Variants in SAMMSON observed in about 807,000 individuals in gnomAD.
The protein encoded by SAMMSON is survival associated mitochondrial melanoma specific oncogenic non-coding RNA, also known as long intergenic non-protein coding RNA 1212.
chr3:70,405,588 T>C (rs979994101), intron 2 of SAMMSON, among the ~76,000 whole-genome samples: 1 of 152,162 alleles, frequency 6.6e-6, no homozygotes, highest in Non-Finnish European at 1.5e-5. Flanking sequence ...AATAGGAGAT[T>C]AGACCCTGCA....
At chr3:70,281,622 C>T (rs557539225) in intron 6 of SAMMSON, among the ~76,000 whole-genome samples, 12 of 152,100 alleles carry the variant, frequency 7.9e-5, no homozygotes, top group Non-Finnish European at 1.6e-4. Context: ...GGAATCTAAA[C>T]GTCTGATATT....
intron 7 of SAMMSON, among the ~76,000 whole-genome samples, chr3:70,332,169 T>G (rs1575627352): frequency 6.6e-6 from 1 of 152,312 alleles, no homozygotes; most frequent in African/African-American, 2.4e-5. Context: ...CTTCTTTAAC[T>G]CAAACACACA....
At chr3:70,352,332 A>G (rs952905247) in intron 7 of SAMMSON, among the ~76,000 whole-genome samples, 3 of 152,098 alleles carry the variant, frequency 2.0e-5, no homozygotes, top group Non-Finnish European at 2.9e-5. Flanking sequence ...CATCAGAGAG[A>G]CCATGGAAGC....
intron 4 of SAMMSON, among the ~76,000 whole-genome samples, chr3:70,150,765 T>C (rs921217168): frequency 6.6e-6 from 1 of 152,092 alleles, no homozygotes; most frequent in Non-Finnish European, 1.5e-5. Flanking sequence ...TGCCTCATTT[T>C]GTAAAACGTG....
chr3:70,065,577 T>G (rs773122293), intron 3 of SAMMSON, among the ~76,000 whole-genome samples: 2 of 152,054 alleles, frequency 1.3e-5, no homozygotes, highest in African/African-American at 2.4e-5. Context: ...TGTGCCTCTT[T>G]CAGAAGTATC....
At chr3:70,039,627 ACACAC>A (rs1215977864) in intron 3 of SAMMSON, among the ~76,000 whole-genome samples, 46 of 150,484 alleles carry the variant, frequency 3.1e-4, no homozygotes, top group African/African-American at 1.1e-3. Context: ...ACACACACAC[ACACAC>A]ACACACACAC....
intron 4 of SAMMSON, among the ~76,000 whole-genome samples, chr3:70,242,241 T>C (rs1262886120): frequency 6.6e-6 from 1 of 152,200 alleles, no homozygotes; most frequent in Non-Finnish European, 1.5e-5. Flanking sequence ...TTCATATGCC[T>C]CCAATTAATC....
chr3:70,330,841 T>C (rs1360929994), intron 7 of SAMMSON, among the ~76,000 whole-genome samples: 1 of 152,088 alleles, frequency 6.6e-6, no homozygotes, highest in East Asian at 1.9e-4. Context: ...CAAAATAATA[T>C]AAATAGACAT....
intron 2 of SAMMSON, among the ~76,000 whole-genome samples, chr3:70,408,010 C>T (rs1701189768): frequency 6.6e-6 from 1 of 152,248 alleles, no homozygotes. Flanking sequence ...GCAGGCTCAC[C>T]ACCACATGGA....
intron 9 of SAMMSON, among the ~76,000 whole-genome samples, chr3:70,375,168 C>T (rs1056561963): frequency 6.6e-6 from 1 of 152,094 alleles, no homozygotes; most frequent in Non-Finnish European, 1.5e-5. Context: ...TATTCTACTT[C>T]TATTCTTGAC....
chr3:70,101,720 T>G, intron 4 of SAMMSON, among the ~76,000 whole-genome samples: 1 of 152,202 alleles, frequency 6.6e-6, no homozygotes. Context: ...GGTTGCATTT[T>G]GTCCCTCCAG....
chr3:70,063,853 C>A (rs1236568507), intron 3 of SAMMSON, among the ~76,000 whole-genome samples: 1 of 152,094 alleles, frequency 6.6e-6, no homozygotes, highest in Non-Finnish European at 1.5e-5. Context: ...TTGTAAAGGG[C>A]TTAGCACAGT....
chr3:70,274,391 T>C (rs1026675238), intron 6 of SAMMSON, among the ~76,000 whole-genome samples: 1 of 150,584 alleles, frequency 6.6e-6, no homozygotes, highest in African/African-American at 2.5e-5. Context: ...GAGTATGTGA[T>C]AGAAATGAGC....
chr3:70,206,005 G>T (rs1326189394), intron 4 of SAMMSON: 1 of 151,842 alleles, frequency 6.6e-6, no homozygotes, highest in Non-Finnish European at 1.5e-5. Context: ...CTTTGCAAAC[G>T]AAATGTACTC....
intron 3 of SAMMSON, among the ~76,000 whole-genome samples, chr3:70,023,143 C>T (rs1245073580): frequency 6.6e-6 from 1 of 152,048 alleles, no homozygotes; most frequent in Non-Finnish European, 1.5e-5. Context: ...AATTTCCAGT[C>T]TCAAAGACTA....
chr3:70,384,315 ACCT>A (rs1185893814), intron 9 of SAMMSON, among the ~76,000 whole-genome samples: 1 of 151,950 alleles, frequency 6.6e-6, no homozygotes, highest in Non-Finnish European at 1.5e-5. Flanking sequence ...ACATTTTAAA[ACCT>A]CCTGAAAAAG....
chr3:70,289,992 GC>G (rs1702215041), intron 6 of SAMMSON, among the ~76,000 whole-genome samples: 1 of 152,002 alleles, frequency 6.6e-6, no homozygotes, highest in South Asian at 2.1e-4. Context: ...CAACTTCTTT[GC>G]CTTTGGTTTG....
At chr3:70,339,803 G>A (rs560917123) in intron 7 of SAMMSON, among the ~76,000 whole-genome samples, 1 of 152,294 alleles carries the variant, frequency 6.6e-6, no homozygotes, top group South Asian at 2.1e-4. Context: ...TACACCATTG[G>A]TGGGACTGCA....
intron 7 of SAMMSON, among the ~76,000 whole-genome samples, chr3:70,331,671 T>C (rs1702622547): frequency 6.6e-6 from 1 of 152,230 alleles, no homozygotes; most frequent in South Asian, 2.1e-4. Context: ...AAGCAGCATG[T>C]TTACATAAAT....
Sources: allele counts gnomAD v4.1 joint callset (sites outside exome capture counted in the v4.1 genomes callset), GRCh38; gene constraint gnomAD v4.1.1; transcripts MANE v1.5; gene names NCBI Gene and HGNC (gene_info 2026-07-23, HGNC 2026-07-21).